The following ACSM3 variants were observed in gnomAD, a reference collection of about 807,000 sequenced individuals.
The protein encoded by ACSM3 is acyl-coenzyme A synthetase ACSM3, mitochondrial.
In ACSM3, 61 loss-of-function variants were observed where a neutral mutation model predicts 74.1. That is an observed-to-expected ratio of 0.82 (90% CI 0.67 to 1.02). ACSM3 has a LOEUF of 1.02. Ranked by LOEUF, ACSM3 falls within the 50% of genes least tolerant of loss-of-function variation. ACSM3 has a pLI of 0.00. For synonymous variants in ACSM3, 213 were observed against 241.5 expected (o/e 0.88, Z 1.09); for missense variants, 660 against 697.0 (o/e 0.95, Z 0.60).
intron 10 of ACSM3, chr16:20,791,056 CG>C: frequency 1.1e-6 from 1 of 939,932 alleles, no homozygotes; most frequent in South Asian, 1.7e-5. Flanking sequence ...ACAGGGGATG[CG>C]GGGGTGGTGG....
At chr16:20,725,107 C>A (rs1279162173) in intron 1 of ACSM3, among the ~76,000 whole-genome samples, 1 of 152,174 alleles carries the variant, frequency 6.6e-6, no homozygotes, top group Non-Finnish European at 1.5e-5. Flanking sequence ...AAGCTGCAGG[C>A]ATCACGCTAC....
At chr16:20,731,610 T>C in intron 1 of ACSM3, 1 of 316,430 alleles carries the variant, frequency 3.2e-6, no homozygotes, top group Non-Finnish European at 5.8e-6. Flanking sequence ...AGATAAATTA[T>C]CTGTTGCAGG....
At chr16:20,771,092 A>G (rs1205817682) in intron 2 of ACSM3, among the ~76,000 whole-genome samples, 3 of 152,044 alleles carry the variant, frequency 2.0e-5, no homozygotes, top group Admixed American at 6.5e-5. Context: ...CCCTACTTCT[A>G]TGAGCTCTTT....
At chr16:20,713,680 G>A (rs1401320458) in intron 1 of ACSM3, among the ~76,000 whole-genome samples, 1 of 152,084 alleles carries the variant, frequency 6.6e-6, no homozygotes, top group Admixed American at 6.5e-5. Context: ...ATTCTGTAGA[G>A]TCCCCAAGAA....
At chr16:20,727,942 G>C (rs2079812562) in intron 1 of ACSM3, among the ~76,000 whole-genome samples, 1 of 152,174 alleles carries the variant, frequency 6.6e-6, no homozygotes, top group Non-Finnish European at 1.5e-5. Context: ...GAAACTCTGG[G>C]ATGAGGCCCA....
In ACSM3 at chr16:20,767,508, C is replaced by A. The variant is rs1350841671; in HGVS notation, c.-51-2476C>A. 8.0e-4 allele frequency among the ~76,000 whole-genome samples: 9 copies of A among 11,234 alleles called. 2 individuals are homozygous for A. The allele number at this position is 11,234 out of a possible 152,430, so 7.4% of individuals were successfully genotyped here. Reference sequence around the variant, plus strand: ...CTCCAGCCTGGGCGACAGAGCGAGACTCCGTCTCAAAAAAAAAAAAAAAAA... The same window carrying A: ...CTCCAGCCTGGGCGACAGAGCGAGAATCCGTCTCAAAAAAAAAAAAAAAAA... On this transcript the variant is annotated intron_variant, in intron 1 of 13. Transcript: ENST00000289416.
chr16:20,775,817 T>A, intron 2 of ACSM3, 22 bp from the exon 3 acceptor site: 1 of 1,612,318 alleles, frequency 6.2e-7, no homozygotes, highest in Non-Finnish European at 8.5e-7. Context: ...TTTAAATCAA[T>A]GACTGGTTTT....
intron 1 of ACSM3, chr16:20,742,042 C>T (rs968822416): frequency 7.1e-7 from 1 of 1,411,726 alleles, no homozygotes; most frequent in East Asian, 2.9e-5. Flanking sequence ...GAAGCTGGCT[C>T]CAGCCATATA....
chr16:20,775,359 AGGCTCAGGGCATGTGAG>A (rs1410519711), intron 2 of ACSM3, among the ~76,000 whole-genome samples: 2 of 152,138 alleles, frequency 1.3e-5, no homozygotes, highest in African/African-American at 4.8e-5. Flanking sequence ...AGCGTTTACT[AGGCTCAGGGCATGTGAG>A]GGCTGAGGGG....
chr16:20,681,629 C>G (rs2079447769), intron 1 of ACSM3: 1 of 152,732 alleles, frequency 6.5e-6, no homozygotes, highest in African/African-American at 2.4e-5. Flanking sequence ...ATATCAGCCA[C>G]TGCCAGTAGA....
Position 20,797,049 on chromosome 16 carries a change from A to T in ACSM3, c.*77A>T. On this transcript the variant is annotated 3_prime_UTR_variant, in exon 14 of 14. Transcript: ENST00000289416. ...CTCTAGAAACCACAAGATGATGGAG[A>T]GGTCATAAAAACTGTGGTAGTATGC... 1.3e-6 allele frequency: 2 copies of T among 1,541,068 alleles called. No homozygotes were observed. The highest frequency in any genetic ancestry group is 1.7e-6 in the Non-Finnish European group (2 of 1,150,024).
rs1369155707 is a variant in ACSM3 at position 20,684,466 on chromosome 16, G to A, written c.-190+9644G>A. On this transcript the variant is annotated intron_variant, in intron 1 of 3. Transcript: ENST00000561584. ...AAACTGACTTCAGAATATACCCCCT[G>A]ATGTGATGCACAGAGGAAGACACAA... 2.6e-5 allele frequency among the ~76,000 whole-genome samples: 4 copies of A among 152,348 alleles called. No individual in the cohort carries two copies. In the East Asian group the frequency reaches 7.7e-4, roughly 29 times the overall value.
At chr16:20,742,813 A>ATATATATATATTTTTT (rs61582869) in intron 1 of ACSM3, among the ~76,000 whole-genome samples, 24 of 66,824 alleles carry the variant, frequency 3.6e-4, no homozygotes, top group African/African-American at 9.8e-4. Context: ...ATATATATAT[A>ATATATATATATTTTTT]TTTTTTTTTT....
intron 9 of ACSM3, among the ~76,000 whole-genome samples, chr16:20,788,112 T>A (rs13337447): frequency 0.058 from 8,894 of 152,220 alleles, 299 homozygotes; most frequent in African/African-American, 0.075. Context: ...TTATTTATTT[T>A]TTTATTTTTT....
intron 1 of ACSM3, among the ~76,000 whole-genome samples, chr16:20,675,557 A>T (rs1338305431): frequency 6.6e-6 from 1 of 152,084 alleles, no homozygotes; most frequent in African/African-American, 2.4e-5. Context: ...ATGGAAACCA[A>T]CTCCTTTTGG....
At chr16:20,691,635 A>T (rs2079653092) in intron 1 of ACSM3, among the ~76,000 whole-genome samples, 1 of 152,066 alleles carries the variant, frequency 6.6e-6, no homozygotes, top group African/African-American at 2.4e-5. Flanking sequence ...GTTGCCATGG[A>T]AGCTGTGATA....
Position 20,780,577 on chromosome 16 carries a change from C to G in ACSM3, c.639-137C>G. 1.9e-6 allele frequency: 3 copies of G among 1,579,202 alleles called. No individual in the cohort carries two copies. In the East Asian group the frequency reaches 6.8e-5, roughly 36 times the overall value. On this transcript the variant is annotated intron_variant, in intron 4 of 13. Transcript: ENST00000289416. ...GATAGAGAAAGTGATGGCTTTTACC[C>G]TGTAATTCAAGCTAAGCCACTGGCA...
chr16:20,734,317 TCCTATCCTC>T (rs1181043988), intron 1 of ACSM3: 5 of 152,586 alleles, frequency 3.3e-5, no homozygotes, highest in African/African-American at 1.2e-4. Flanking sequence ...GGCACCAAAA[TCCTATCCTC>T]CCTATTCCCC....
At chr16:20,770,530 TAA>T (rs60395380) in intron 2 of ACSM3, among the ~76,000 whole-genome samples, 6 of 143,188 alleles carry the variant, frequency 4.2e-5, no homozygotes, top group Admixed American at 7.0e-5. Context: ...TAGGTTGACT[TAA>T]AAAAAAAAAA....
Sources: gnomAD v4.1 joint callset for allele counts (sites outside exome capture counted in the v4.1 genomes callset) on GRCh38, gnomAD v4.1.1 for gene constraint, MANE v1.5 for transcripts, NCBI Gene and HGNC (gene_info 2026-07-23, HGNC 2026-07-21) for gene names.